The following CNTN4 variants were observed in gnomAD, a reference collection of about 807,000 sequenced individuals.
CNTN4 encodes the protein contactin-4.
Under a neutral mutation model 122.5 loss-of-function variants are expected in CNTN4, and 77 were observed. The observed-to-expected ratio is 0.63, with a 90% confidence interval of 0.52 to 0.76. The LOEUF (loss-of-function observed/expected upper bound fraction) is 0.76. CNTN4 is among the 30% of genes least tolerant of loss of function. The pLI is 0.00. For synonymous variants in CNTN4, 512 were observed against 447.0 expected (o/e 1.15, Z -1.83); for missense variants, 1,256 against 1,259.1 (o/e 1.00, Z 0.04).
At chr3:2,354,830 C>T (rs901451133) in intron 3 of CNTN4, among the ~76,000 whole-genome samples, 1 of 152,146 alleles carries the variant, frequency 6.6e-6, no homozygotes, top group African/African-American at 2.4e-5. Context: ...GCCAGGAGTT[C>T]TAAGTGAGGT....
chr3:3,011,721 T>C (rs1009398464), intron 14 of CNTN4, among the ~76,000 whole-genome samples: 2 of 152,174 alleles, frequency 1.3e-5, no homozygotes, highest in African/African-American at 2.4e-5. Flanking sequence ...GCACATTTTG[T>C]CCTGACTTAG....
rs180712944 is a variant in CNTN4, at chr3:2,257,889, C to T, written c.-144-81289C>T. Among the ~76,000 whole-genome samples, 24 of 152,178 alleles carry T rather than the reference C, an allele frequency of 1.6e-4. No individual in the cohort carries two copies. The East Asian group carries it at 4.4e-3, about 28-fold the overall frequency. On this transcript the variant is annotated intron_variant, in intron 2 of 24. Coordinates refer to ENST00000418658, the MANE Select transcript of CNTN4 (RefSeq NM_175607.3). ...TCACCTGGGGCCTACATGGTCAAAC[C>T]CTGTCTCTACTAAAAATACAAAAAT...
chr3:2,636,924 G>GTTTTTTTTTTTTTTTTTT (rs57301957), intron 4 of CNTN4, among the ~76,000 whole-genome samples: 3 of 98,578 alleles, frequency 3.0e-5, no homozygotes, highest in African/African-American at 7.6e-5. Context: ...TTCTTTCTTT[G>GTTTTTTTTTTTTTTTTTT]TTTTTTTTTT....
intron 2 of CNTN4, among the ~76,000 whole-genome samples, chr3:2,222,440 G>T (rs2039097062): frequency 6.6e-6 from 1 of 152,116 alleles, no homozygotes; most frequent in Admixed American, 6.6e-5. Context: ...GTAAATGTAT[G>T]TGGGCTGATT....
intron 3 of CNTN4, among the ~76,000 whole-genome samples, chr3:2,416,675 A>G (rs1194579616): frequency 6.6e-6 from 1 of 151,998 alleles, no homozygotes; most frequent in African/African-American, 2.4e-5. Context: ...TTTTTTTAGG[A>G]CGGAGTCTCT....
chr3:2,234,926 C>T (rs1203796348), intron 2 of CNTN4, among the ~76,000 whole-genome samples: 2 of 152,040 alleles, frequency 1.3e-5, no homozygotes, highest in Non-Finnish European at 2.9e-5. Context: ...TTGCTTGAAG[C>T]TTTGACAAAA....
At chr3:2,280,457 G>T (rs559323322) in intron 2 of CNTN4, among the ~76,000 whole-genome samples, 1 of 152,044 alleles carries the variant, frequency 6.6e-6, no homozygotes, top group African/African-American at 2.4e-5. Context: ...TCTTAATTTA[G>T]CTCTGAGGAT....
At chr3:2,197,290 G>T (rs115577951) in intron 2 of CNTN4, among the ~76,000 whole-genome samples, 2,828 of 152,194 alleles carry the variant, frequency 0.019, 44 homozygotes, top group Middle Eastern at 0.041. Flanking sequence ...GAGGGTGATG[G>T]CACACTTTTA....
chr3:2,509,403 G>GA (rs1308944920), intron 3 of CNTN4, among the ~76,000 whole-genome samples: 12 of 152,262 alleles, frequency 7.9e-5, no homozygotes, highest in Admixed American at 7.2e-4. Flanking sequence ...AAATTGGATT[G>GA]AAAGTACTTA....
rs377576962 is a variant in CNTN4 at position 2,659,100 on chromosome 3, A to G, written c.56-77115A>G. ...AGAATGCTCTGTTCAAAAAAATCAC[A>G]TACTTTGTCTCATTAGAGACAGAAT... On this transcript the variant is annotated intron_variant, in intron 4 of 24. Coordinates refer to ENST00000418658, the MANE Select transcript of CNTN4 (RefSeq NM_175607.3). 1.6e-4 allele frequency among the ~76,000 whole-genome samples: 24 copies of G among 152,246 alleles called. No individual in the cohort carries two copies. In the East Asian group the frequency reaches 3.9e-3, roughly 24 times the overall value.
chr3:2,430,357 G>C (rs577476159), intron 3 of CNTN4, among the ~76,000 whole-genome samples: 2 of 150,636 alleles, frequency 1.3e-5, no homozygotes, highest in South Asian at 2.1e-4. Context: ...GGGAGGCGGA[G>C]CTTGCAGTGA....
At chr3:2,290,908 GA>G (rs2149993520) in intron 2 of CNTN4, among the ~76,000 whole-genome samples, 1 of 151,674 alleles carries the variant, frequency 6.6e-6, no homozygotes, top group South Asian at 2.1e-4. Context: ...GTTTTTCAAA[GA>G]AAAATCGACA....
At chr3:2,239,388 A>C (rs955815354) in intron 2 of CNTN4, among the ~76,000 whole-genome samples, 1 of 152,192 alleles carries the variant, frequency 6.6e-6, no homozygotes, top group Non-Finnish European at 1.5e-5. Context: ...ACACAGATAC[A>C]TGCACAGACA....
intron 3 of CNTN4, among the ~76,000 whole-genome samples, chr3:2,409,152 A>G (rs1286002265): frequency 6.6e-6 from 1 of 152,138 alleles, no homozygotes; most frequent in Non-Finnish European, 1.5e-5. Flanking sequence ...TATTAATTCC[A>G]GGGAATTAAA....
intron 23 of CNTN4, among the ~76,000 whole-genome samples, chr3:3,050,698 G>A (rs1487786446): frequency 6.8e-6 from 1 of 146,462 alleles, no homozygotes; most frequent in Non-Finnish European, 1.5e-5. Context: ...GGGAGGCGGA[G>A]GTTGTAGTGA....
intron 3 of CNTN4, among the ~76,000 whole-genome samples, chr3:2,555,271 CCTT>C (rs540408506): frequency 5.2e-4 from 79 of 152,238 alleles, no homozygotes; most frequent in African/African-American, 1.8e-3. Context: ...CTGATTAGTC[CCTT>C]CTTAGGTTCT....
chr3:2,216,737 C>T (rs2038857445), intron 2 of CNTN4, among the ~76,000 whole-genome samples: 1 of 152,062 alleles, frequency 6.6e-6, no homozygotes, highest in African/African-American at 2.4e-5. Flanking sequence ...AAAAGGAGTT[C>T]CCTTAATTTG....
At chr3:2,128,055 C>G (rs2034264394) in intron 2 of CNTN4, among the ~76,000 whole-genome samples, 1 of 152,274 alleles carries the variant, frequency 6.6e-6, no homozygotes, top group East Asian at 1.9e-4. Flanking sequence ...GAGTGTTTCT[C>G]TGAAACTTTT....
chr3:2,232,025 TTAGATATAGATATATATAGTGCACACATG>T (rs2039506823), intron 2 of CNTN4, among the ~76,000 whole-genome samples: 1 of 152,110 alleles, frequency 6.6e-6, no homozygotes, highest in Non-Finnish European at 1.5e-5. Flanking sequence ...ATAACATGTT[TTAGATATAGATATATATAGTGCACACATG>T]TACTTTTCTT....
Sources: allele counts gnomAD v4.1 joint callset (sites outside exome capture counted in the v4.1 genomes callset), GRCh38; gene constraint gnomAD v4.1.1; transcripts MANE v1.5; gene names NCBI Gene and HGNC (gene_info 2026-07-23, HGNC 2026-07-21).